Variants in MACROD2 observed in about 807,000 individuals in gnomAD.
The protein encoded by MACROD2 is mono-ADP ribosylhydrolase 2, also known as ADP-ribose glycohydrolase MACROD2.
In MACROD2, 36 loss-of-function variants were observed where a neutral mutation model predicts 70.4. The ratio of observed to expected loss-of-function variants is 0.51; its 90% CI spans 0.39 to 0.68. MACROD2 has a LOEUF of 0.68. Ranked by LOEUF, MACROD2 falls within the 30% of genes least tolerant of loss-of-function variation. The pLI is 0.00. For synonymous variants in MACROD2, 172 were observed against 178.8 expected, an observed-to-expected ratio of 0.96 and a Z score of 0.30; for missense variants, 496 against 538.4, an observed-to-expected ratio of 0.92 and a Z score of 0.78.
At chr20:15,750,299 T>TACC (rs1346872607) in intron 8 of MACROD2, among the ~76,000 whole-genome samples, 2 of 152,044 alleles carry the variant, frequency 1.3e-5, no homozygotes, top group Admixed American at 6.6e-5. Flanking sequence ...CACCATCAGA[T>TACC]ACCACCTCAC....
At chr20:15,005,584 C>T (rs2075029232) in intron 5 of MACROD2, among the ~76,000 whole-genome samples, 1 of 152,150 alleles carries the variant, frequency 6.6e-6, no homozygotes, top group African/African-American at 2.4e-5. Context: ...TGCTTTGATG[C>T]AGTAATAGAA....
chr20:15,962,954 C>T (rs1383462612), intron 12 of MACROD2, among the ~76,000 whole-genome samples: 2 of 152,104 alleles, frequency 1.3e-5, no homozygotes, highest in East Asian at 1.9e-4. Context: ...TACTTTTTTC[C>T]TATATAAAAG....
intron 2 of MACROD2, among the ~76,000 whole-genome samples, chr20:14,011,330 G>A (rs2052902396): frequency 6.6e-6 from 1 of 152,144 alleles, no homozygotes; most frequent in Non-Finnish European, 1.5e-5. Context: ...TTGGAGGTTA[G>A]CAGCCTTATA....
At chr20:14,837,814 C>T (rs545829292) in intron 5 of MACROD2, among the ~76,000 whole-genome samples, 1 of 151,920 alleles carries the variant, frequency 6.6e-6, no homozygotes, top group Admixed American at 6.6e-5. Flanking sequence ...TAGTGTTTTG[C>T]ATATACTAAA....
At chr20:15,266,678 A>C (rs2146056744) in intron 6 of MACROD2, among the ~76,000 whole-genome samples, 1 of 152,316 alleles carries the variant, frequency 6.6e-6, no homozygotes, top group Middle Eastern at 3.4e-3. Flanking sequence ...AACACACTTC[A>C]GTGAATCCCC....
intron 5 of MACROD2, among the ~76,000 whole-genome samples, chr20:15,166,386 T>C (rs1265650766): frequency 6.6e-6 from 1 of 152,134 alleles, no homozygotes; most frequent in African/African-American, 2.4e-5. Flanking sequence ...GAAATGTGAA[T>C]ATGCAAGAAG....
At chr20:14,384,638 C>G (rs1277612931) in intron 3 of MACROD2, among the ~76,000 whole-genome samples, 1 of 152,114 alleles carries the variant, frequency 6.6e-6, no homozygotes, top group Admixed American at 6.5e-5. Context: ...TGGATGTAAT[C>G]TGTACTAAAC....
At chr20:14,581,545 G>T (rs1981019792) in intron 4 of MACROD2, among the ~76,000 whole-genome samples, 1 of 152,016 alleles carries the variant, frequency 6.6e-6, no homozygotes, top group Admixed American at 6.6e-5. Flanking sequence ...TATTGGAATT[G>T]GACTAAGGAG....
chr20:14,628,316 A>G (rs1185539320), intron 4 of MACROD2, among the ~76,000 whole-genome samples: 1 of 152,180 alleles, frequency 6.6e-6, no homozygotes, highest in Non-Finnish European at 1.5e-5. Context: ...TGGATTAGAG[A>G]GGAGACCAGT....
intron 6 of MACROD2, among the ~76,000 whole-genome samples, chr20:15,244,870 G>A (rs554953721): frequency 6.6e-6 from 1 of 152,224 alleles, no homozygotes; most frequent in South Asian, 2.1e-4. Context: ...TACAAATTAG[G>A]CACACATTTG....
chr20:14,967,469 TTTTG>T (rs758394049), intron 5 of MACROD2, among the ~76,000 whole-genome samples: 16 of 151,122 alleles, frequency 1.1e-4, no homozygotes, highest in African/African-American at 2.2e-4. Context: ...TGGCCGGTAG[TTTTG>T]TTTGTTTGTT....
chr20:14,408,667 A>G (rs1327010342), intron 3 of MACROD2, among the ~76,000 whole-genome samples: 4 of 152,216 alleles, frequency 2.6e-5, no homozygotes, highest in African/African-American at 4.8e-5. Context: ...GCGCCCACTA[A>G]GCATTTGGGC....
chr20:15,585,579 A>G (rs910432460), intron 8 of MACROD2, among the ~76,000 whole-genome samples: 7 of 152,056 alleles, frequency 4.6e-5, no homozygotes, highest in African/African-American at 1.7e-4. Flanking sequence ...TCACTCATCC[A>G]GTGACTCTCT....
intron 3 of MACROD2, among the ~76,000 whole-genome samples, chr20:14,194,028 T>A (rs1424036516): frequency 6.6e-6 from 1 of 152,130 alleles, no homozygotes; most frequent in Non-Finnish European, 1.5e-5. Flanking sequence ...TTAAGAGAGT[T>A]AAATTGTTAA....
chr20:15,503,219 G>A (rs2047385992), intron 8 of MACROD2, among the ~76,000 whole-genome samples: 1 of 152,164 alleles, frequency 6.6e-6, no homozygotes, highest in African/African-American at 2.4e-5. Flanking sequence ...TTACTGAGAT[G>A]AAGAATATTG....
intron 3 of MACROD2, among the ~76,000 whole-genome samples, chr20:14,177,610 C>T (rs1247130417): frequency 6.6e-6 from 1 of 152,126 alleles, no homozygotes; most frequent in Non-Finnish European, 1.5e-5. Flanking sequence ...GCCACCACGT[C>T]AAGCCGAGAT....
intron 4 of MACROD2, among the ~76,000 whole-genome samples, chr20:14,594,982 T>A (rs1982026269): frequency 6.6e-6 from 1 of 152,102 alleles, no homozygotes; most frequent in Non-Finnish European, 1.5e-5. Context: ...TTTCCTGTCT[T>A]TTTTTCCCCC....
chr20:15,385,652 G>T (rs991915614), intron 6 of MACROD2, among the ~76,000 whole-genome samples: 1 of 152,034 alleles, frequency 6.6e-6, no homozygotes, highest in Admixed American at 6.5e-5. Flanking sequence ...CCCTAGATAG[G>T]TCCATTAATT....
chr20:15,909,512 C>T (rs1005140922), intron 10 of MACROD2, among the ~76,000 whole-genome samples: 7 of 131,872 alleles, frequency 5.3e-5, no homozygotes, highest in Non-Finnish European at 1.1e-4. Flanking sequence ...GTACATAATA[C>T]AATTTTTTTT....
Sources: gnomAD v4.1 joint callset for allele counts (sites outside exome capture counted in the v4.1 genomes callset) on GRCh38, gnomAD v4.1.1 for gene constraint, MANE v1.5 for transcripts, NCBI Gene and HGNC (gene_info 2026-07-23, HGNC 2026-07-21) for gene names.